C6orf52: variants seen among roughly 807,000 people sequenced by gnomAD.
C6orf52 encodes the protein chromosome 6 open reading frame 52, also known as putative uncharacterized protein C6orf52.
Under a neutral mutation model 16.6 loss-of-function variants are expected in C6orf52, and 16 were observed. That is an observed-to-expected ratio of 0.96 (90% CI 0.65 to 1.46). C6orf52 has a LOEUF of 1.46. Among genes scored for constraint, C6orf52 ranks in the 40% most tolerant of loss-of-function variants. C6orf52 has a pLI of 0.00. For synonymous variants in C6orf52, 53 were observed against 61.4 expected, an observed-to-expected ratio of 0.86 and a Z score of 0.64; for missense variants, 166 against 182.3, an observed-to-expected ratio of 0.91 and a Z score of 0.52.
chr6:10,678,183 TAAAAAA>T (rs377733205), intron 4 of C6orf52, among the ~76,000 whole-genome samples: 13 of 101,610 alleles, frequency 1.3e-4, no homozygotes, highest in Admixed American at 6.3e-4. Flanking sequence ...GAGACTGTCT[TAAAAAA>T]AAAAAAAAAA....
chr6:10,687,424 T>G (rs917653630), intron 2 of C6orf52, 56 bp downstream of exon 2: 1 of 1,255,584 alleles, frequency 8.0e-7, no homozygotes, highest in Admixed American at 2.1e-5. Flanking sequence ...CCAACAGTTA[T>G]GTAGCAAATA....
upstream of C6orf52, chr6:10,694,629 T>TTCACAA: frequency 5.2e-6 from 1 of 191,774 alleles, no homozygotes; most frequent in Non-Finnish European, 1.1e-5. Flanking sequence ...CCCCACCTCC[T>TTCACAA]CCTGATGTCA....
In C6orf52 at chr6:10,694,605, C is replaced by CA; in HGVS notation, c.-124_-123insT. On this transcript the variant is annotated 5_prime_UTR_variant, in exon 1 of 5. Coordinates refer to ENST00000259983, the MANE Select transcript of C6orf52 (RefSeq NM_001145020.3). The stretch of plus-strand genomic sequence containing the variant: ...GCCGGCGCTACAGCCCCTAAGCAAC[C>CA]GGCCGGAAGTCGGCCCCACCTCCTC... 2 of 178,934 alleles carry CA rather than the reference C, an allele frequency of 1.1e-5. No individual in the cohort carries two copies. The highest frequency in any genetic ancestry group is 2.1e-4 in the South Asian group (2 of 9,542). The allele number at this position is 178,934 out of a possible 1,614,324, so 11.1% of individuals were successfully genotyped here. A position where few individuals can be genotyped will look rare whatever the true frequency, so the allele number is the denominator to read the frequency against.
At chr6:10,684,986 T>G in intron 3 of C6orf52, 3 of 941,334 alleles carry the variant, frequency 3.2e-6, no homozygotes, top group Non-Finnish European at 4.2e-6. Context: ...GTTATAGTAA[T>G]AATTCGGCCT....
rs73439079 is a variant in C6orf52, at chr6:10,682,220, A to C, written c.316+967T>G. On this transcript the variant is annotated intron_variant, in intron 4 of 4. Transcript: ENST00000259983. ...GAGACAAGGACCCAGATTTAGCTGA[A>C]CTAAGGAGCAAGAAATCCTGCATCA... is the stretch of plus-strand genomic sequence containing the variant. Among the ~76,000 whole-genome samples, 1,412 of 152,332 alleles carry C rather than the reference A, an allele frequency of 9.3e-3. 26 individuals carry two copies. The highest frequency in any genetic ancestry group is 0.032 in the African/African-American group (1,347 of 41,562).
intron 1 of C6orf52, among the ~76,000 whole-genome samples, chr6:10,693,270 G>C (rs1027649615): frequency 1.3e-5 from 2 of 152,240 alleles, no homozygotes; most frequent in Admixed American, 1.3e-4. Flanking sequence ...TTGTTCAGGA[G>C]TGCTCTCACC....
At chr6:10,678,183 TA>T (rs377733205) in intron 4 of C6orf52, among the ~76,000 whole-genome samples, 3,127 of 101,594 alleles carry the variant, frequency 0.031, 39 homozygotes, top group South Asian at 0.05. Context: ...GAGACTGTCT[TA>T]AAAAAAAAAA....
chr6:10,680,212 T>A (rs1768254792), intron 4 of C6orf52, among the ~76,000 whole-genome samples: 1 of 151,852 alleles, frequency 6.6e-6, no homozygotes, highest in Non-Finnish European at 1.5e-5. Context: ...ATCACGGCAC[T>A]GCACTCCAAC....
intron 3 of C6orf52, chr6:10,684,955 A>G (rs974930908): frequency 4.3e-5 from 51 of 1,187,942 alleles, no homozygotes; most frequent in Non-Finnish European, 5.2e-5. Flanking sequence ...TATTTATATA[A>G]TTCTTGTATG....
At chr6:10,683,601 T>C (rs1332267058) in intron 3 of C6orf52, among the ~76,000 whole-genome samples, 1 of 152,210 alleles carries the variant, frequency 6.6e-6, no homozygotes, top group African/African-American at 2.4e-5. Flanking sequence ...TGACTCTACC[T>C]AGAGTTCTGC....
chr6:10,672,655 A>T (rs760747273), intron 4 of C6orf52: 27 of 676,494 alleles, frequency 4.0e-5, no homozygotes, highest in Non-Finnish European at 5.8e-5. Flanking sequence ...TATAAAAATA[A>T]TTTTTTTTAA....
chr6:10,673,406 C>CTA (rs1767595384), intron 4 of C6orf52, among the ~76,000 whole-genome samples: 1 of 152,220 alleles, frequency 6.6e-6, no homozygotes, highest in Non-Finnish European at 1.5e-5. Flanking sequence ...TGTGAATCTT[C>CTA]TAGACCCATG....
intron 3 of C6orf52, among the ~76,000 whole-genome samples, chr6:10,685,108 T>C (rs1227996866): frequency 6.6e-6 from 1 of 151,504 alleles, no homozygotes; most frequent in Non-Finnish European, 1.5e-5. Flanking sequence ...TTCTCAAGAG[T>C]GACGAAAAAA....
chr6:10,690,385 C>T (rs1342279392), intron 1 of C6orf52, among the ~76,000 whole-genome samples: 1 of 152,182 alleles, frequency 6.6e-6, no homozygotes, highest in African/African-American at 2.4e-5. Context: ...CTCCACTTCC[C>T]TTCGTGCTGG....
intron 4 of C6orf52, among the ~76,000 whole-genome samples, chr6:10,674,469 T>G (rs952658580): frequency 1.3e-5 from 2 of 152,200 alleles, no homozygotes; most frequent in African/African-American, 4.8e-5. Flanking sequence ...AATTTCTATG[T>G]GTTTCAAACT....
chr6:10,692,491 A>G (rs1423633770), intron 1 of C6orf52, among the ~76,000 whole-genome samples: 2 of 152,172 alleles, frequency 1.3e-5, no homozygotes, highest in African/African-American at 4.8e-5. Context: ...CCCACGCTGG[A>G]GTGCAGTGGC....
At chr6:10,685,382 A>G (rs1003983242) in intron 3 of C6orf52, among the ~76,000 whole-genome samples, 2 of 152,192 alleles carry the variant, frequency 1.3e-5, no homozygotes, top group African/African-American at 4.8e-5. Flanking sequence ...ATGACAAGAA[A>G]TCTAACAAGA....
At chr6:10,680,826 G>A (rs1246310759) in intron 4 of C6orf52, among the ~76,000 whole-genome samples, 11 of 151,922 alleles carry the variant, frequency 7.2e-5, no homozygotes, top group Non-Finnish European at 1.3e-4. Context: ...TTTGAGACAG[G>A]GTCTCACTCT....
At chr6:10,687,380 CT>C in intron 2 of C6orf52, 99 bp downstream of exon 2, 16 of 981,434 alleles carry the variant, frequency 1.6e-5, no homozygotes, top group Non-Finnish European at 2.4e-5. Context: ...TACCCCAGAA[CT>C]TTAAAAAAAA....
Sources: gnomAD v4.1 joint callset for allele counts (sites outside exome capture counted in the v4.1 genomes callset) on GRCh38, gnomAD v4.1.1 for gene constraint, MANE v1.5 for transcripts, NCBI Gene and HGNC (gene_info 2026-07-23, HGNC 2026-07-21) for gene names.